HHIP: variants seen among roughly 807,000 people sequenced by gnomAD.
HHIP encodes hedgehog interacting protein, also known as hedgehog-interacting protein.
In HHIP, 12 loss-of-function variants were observed where a neutral mutation model predicts 74.0. That is an observed-to-expected ratio of 0.16 (90% CI 0.10 to 0.26). HHIP has a LOEUF of 0.26. HHIP is among the 10% of genes least tolerant of loss of function. The pLI, the probability that HHIP is intolerant of heterozygous loss-of-function variation, is 1.00. For missense variants in HHIP, 788 were observed against 845.0 expected, an observed-to-expected ratio of 0.93 and a Z score of 0.84; for synonymous variants, 309 against 311.6, an observed-to-expected ratio of 0.99 and a Z score of 0.09.
Position 144,743,041 on chromosome 4 carries a change from T to C in HHIP, c.*5084T>C, listed in dbSNP as rs557530653. The C allele has an allele frequency of 2.5e-4, 34 of 138,450 alleles. 1 individual carries two copies. In the South Asian group the frequency reaches 7.2e-3, roughly 29 times the overall value. 8.6% of individuals were successfully genotyped at this position (138,450 alleles called of 1,614,324 possible). A position where few individuals can be genotyped will look rare whatever the true frequency, so the allele number is the denominator to read the frequency against. On this transcript the variant is annotated 3_prime_UTR_variant, in exon 13 of 13. Transcript: ENST00000296575. The stretch of plus-strand genomic sequence containing the variant: ...ATATATAATATATATCTTATATATA[T>C]ATATATCTTAATACATATATATAAC...
chr4:144,677,346 T>C (rs1451101602), intron 4 of HHIP, among the ~76,000 whole-genome samples: 2 of 152,226 alleles, frequency 1.3e-5, no homozygotes, highest in Admixed American at 6.5e-5. Context: ...CGTGTTGGCT[T>C]CATTTTTTCG....
chr4:144,661,740 C>G (rs540071367), intron 4 of HHIP, among the ~76,000 whole-genome samples: 4 of 152,300 alleles, frequency 2.6e-5, no homozygotes, highest in African/African-American at 9.6e-5. Flanking sequence ...AGCATTTTCA[C>G]AGCTATTTCT....
chr4:144,726,513 C>CTGT (rs1182843528), intron 11 of HHIP, among the ~76,000 whole-genome samples: 1 of 152,060 alleles, frequency 6.6e-6, no homozygotes, highest in Non-Finnish European at 1.5e-5. Context: ...TGTACCATAA[C>CTGT]CCTGTACATT....
At chr4:144,712,905 T>TGTGC (rs1357106605) in intron 8 of HHIP, among the ~76,000 whole-genome samples, 1 of 150,310 alleles carries the variant, frequency 6.7e-6, no homozygotes, top group African/African-American at 2.5e-5. Context: ...TGTGTGTGTG[T>TGTGC]GTGCACGCGC....
chr4:144,738,105 CTCTGTGTGT>C lies in HHIP; in HGVS notation c.*149_*157del. 1.5e-6 allele frequency: 2 copies of C among 1,339,000 alleles called. No homozygotes were observed. The highest frequency in any genetic ancestry group is 1.9e-6 in the Non-Finnish European group (2 of 1,046,438). 82.9% of individuals were successfully genotyped at this position (1,339,000 alleles called of 1,614,324 possible). A position where few individuals can be genotyped will look rare whatever the true frequency, so the allele number is the denominator to read the frequency against. The stretch of plus-strand genomic sequence containing the variant: ...AATAATTTCCAGAAATGTGCAGATC[CTCTGTGTGT>C]ATGTCAGCATGTTTGTTCACATATG... On this transcript the variant is annotated 3_prime_UTR_variant, in exon 13 of 13. Transcript: ENST00000296575.
chr4:144,653,132 A>G (rs1009770761), intron 2 of HHIP, among the ~76,000 whole-genome samples: 5 of 152,128 alleles, frequency 3.3e-5, no homozygotes, highest in Non-Finnish European at 7.4e-5. Flanking sequence ...TTACCATAAC[A>G]TCAGCTTCAA....
rs543295771 is a variant in HHIP at position 144,721,555 on chromosome 4, A to C, written c.1760+2599A>C. 9.9e-5 allele frequency among the ~76,000 whole-genome samples: 15 copies of C among 151,400 alleles called. No individual in the cohort carries two copies. The South Asian group carries it at 3.1e-3, about 32-fold the overall frequency. On this transcript the variant is annotated intron_variant, in intron 11 of 12. Transcript: ENST00000296575. ...ATTAAATGCCATTGTTTAGCATGAA[A>C]AAAAATAGAAAATGCCTAGAACTCA... is the stretch of plus-strand genomic sequence containing the variant.
intron 4 of HHIP, among the ~76,000 whole-genome samples, chr4:144,679,563 AG>A (rs1370873189): frequency 6.6e-6 from 1 of 152,180 alleles, no homozygotes; most frequent in Non-Finnish European, 1.5e-5. Context: ...AGTGTAAGTA[AG>A]GGGTCCAGTT....
chr4:144,695,300 T>C (rs1187983753), intron 4 of HHIP, among the ~76,000 whole-genome samples: 1 of 151,916 alleles, frequency 6.6e-6, no homozygotes, highest in Non-Finnish European at 1.5e-5. Flanking sequence ...GATATGTATG[T>C]CTTTAATGGA....
At chr4:144,732,299 T>C (rs1295907489) in intron 11 of HHIP, among the ~76,000 whole-genome samples, 1 of 152,132 alleles carries the variant, frequency 6.6e-6, no homozygotes, top group Non-Finnish European at 1.5e-5. Context: ...AAATAAAACT[T>C]GAGGGAATTA....
At chr4:144,727,664 C>A (rs1424367877) in intron 11 of HHIP, among the ~76,000 whole-genome samples, 1 of 152,144 alleles carries the variant, frequency 6.6e-6, no homozygotes, top group Non-Finnish European at 1.5e-5. Flanking sequence ...TTAATCTTTT[C>A]TCCTAGGTTT....
Position 144,742,952 on chromosome 4 carries a change from TTATACA to T in HHIP, c.*5000_*5005del, listed in dbSNP as rs1731297242. 9.0e-5 allele frequency: 1 copy of T among 11,050 alleles called. No homozygotes were observed. Among genetic ancestry groups the T allele is most frequent in the African/African-American group, 1.7e-4 (1 of 5,716 alleles). 0.7% of individuals were successfully genotyped at this position (11,050 alleles called of 1,614,324 possible). On this transcript the variant is annotated 3_prime_UTR_variant, in exon 13 of 13. Transcript: ENST00000296575. ...TTTATATATATCTTATATATATATCTTATACATATAAGATATATGTATATATATATA... is the reference window on the plus strand; with the variant it reads ...TTTATATATATCTTATATATATATCTTATAAGATATATGTATATATATATA...
intron 11 of HHIP, among the ~76,000 whole-genome samples, chr4:144,727,001 C>G (rs764372736): frequency 6.6e-6 from 1 of 152,168 alleles, no homozygotes; most frequent in Non-Finnish European, 1.5e-5. Context: ...TTGTTTTCAC[C>G]ACTGCTTTAG....
At position 144,742,986 on chromosome 4, in the gene HHIP, T is replaced by TTA. The variant is rs1222533848; in HGVS notation, c.*5040_*5041dup. ...TAAGATATATGTATATATATATACA[T>TTA]TATATATATATAATATATATATATT... On this transcript the variant is annotated 3_prime_UTR_variant, in exon 13 of 13. Coordinates refer to ENST00000296575, the MANE Select transcript of HHIP (RefSeq NM_022475.3). 253 of 968 alleles carry TTA rather than the reference T, an allele frequency of 0.26. 1 individual carries two copies. Among genetic ancestry groups the TTA allele is most frequent in the African/African-American group, 0.28 (245 of 870 alleles). 0.1% of individuals were successfully genotyped at this position (968 alleles called of 1,614,324 possible). A position where few individuals can be genotyped will look rare whatever the true frequency, so the allele number is the denominator to read the frequency against.
At position 144,707,272 on chromosome 4, in the gene HHIP, A is replaced by T; in HGVS notation, c.1157+12A>T. 6.3e-7 allele frequency: 1 copy of T among 1,580,908 alleles called. No homozygotes were observed. ...ATGGATGGGTTAAGGTAAAAGGCTG[A>T]TCACAGATGGGTTCCTCTCAAGGTT... is the stretch of plus-strand genomic sequence containing the variant. On this transcript the variant is annotated intron_variant, in intron 6 of 12. Transcript: ENST00000296575.
intron 4 of HHIP, among the ~76,000 whole-genome samples, chr4:144,677,088 G>A (rs1729188566): frequency 1.3e-5 from 2 of 152,164 alleles, no homozygotes; most frequent in African/African-American, 4.8e-5. Context: ...GTTATGGCCA[G>A]CCTCCCAATG....
At chr4:144,699,896 A>G (rs1181660289) in intron 4 of HHIP, among the ~76,000 whole-genome samples, 1 of 152,190 alleles carries the variant, frequency 6.6e-6, no homozygotes, top group Admixed American at 6.5e-5. Context: ...ATCTTTTCCA[A>G]GAGTTGTGAA....
At chr4:144,657,370 C>T (rs1319092890) in intron 2 of HHIP, among the ~76,000 whole-genome samples, 1 of 152,110 alleles carries the variant, frequency 6.6e-6, no homozygotes, top group Non-Finnish European at 1.5e-5. Flanking sequence ...TAAATTTCTA[C>T]TGAGCTACTC....
At chr4:144,674,492 T>G (rs1301146086) in intron 4 of HHIP, among the ~76,000 whole-genome samples, 5 of 152,174 alleles carry the variant, frequency 3.3e-5, no homozygotes, top group Non-Finnish European at 7.4e-5. Context: ...TTTCCTCCAC[T>G]GTGAGAATAA....
Sources: allele counts gnomAD v4.1 joint callset (sites outside exome capture counted in the v4.1 genomes callset), GRCh38; gene constraint gnomAD v4.1.1; transcripts MANE v1.5; gene names NCBI Gene and HGNC (gene_info 2026-07-23, HGNC 2026-07-21).